CCDC73: variants seen among roughly 807,000 people sequenced by gnomAD.
CCDC73 encodes the protein coiled-coil domain containing 73.
Under a neutral mutation model 116.5 loss-of-function variants are expected in CCDC73, and 95 were observed. The ratio of observed to expected loss-of-function variants is 0.82; its 90% CI spans 0.69 to 0.97. The LOEUF is 0.97. Among genes scored for constraint, CCDC73 ranks in the 50% least tolerant of loss-of-function variants. The pLI is 0.00. For missense variants in CCDC73, 1,066 were observed against 1,206.8 expected, an observed-to-expected ratio of 0.88 and a Z score of 1.73; for synonymous variants, 398 against 401.3, an observed-to-expected ratio of 0.99 and a Z score of 0.10.
chr11:32,702,776 T>C, intron 4 of CCDC73, 97 bp downstream of exon 4: 1 of 841,274 alleles, frequency 1.2e-6, no homozygotes, highest in Non-Finnish European at 2.1e-6. Context: ...CTTTTTGTCT[T>C]TGGTGACTAT....
chr11:32,637,088 T>G (rs1457456568), intron 13 of CCDC73, among the ~76,000 whole-genome samples: 1 of 146,708 alleles, frequency 6.8e-6, no homozygotes, highest in Non-Finnish European at 1.5e-5. Flanking sequence ...GGCGTGATCT[T>G]GGCTCACTGC....
chr11:32,762,765 G>T (rs181540740), intron 1 of CCDC73, among the ~76,000 whole-genome samples: 3 of 152,276 alleles, frequency 2.0e-5, no homozygotes, highest in African/African-American at 7.2e-5. Flanking sequence ...GACAGTGGGT[G>T]CAGCACACCG....
chr11:32,802,317 G>A, the CCDC73 span, among the ~76,000 whole-genome samples: 2 of 152,056 alleles, frequency 1.3e-5, no homozygotes, highest in East Asian at 3.8e-4. Context: ...AAAAACACAG[G>A]AAAATGTTCT....
intron 14 of CCDC73, among the ~76,000 whole-genome samples, chr11:32,622,508 C>A (rs745878801): frequency 2.0e-5 from 3 of 151,464 alleles, no homozygotes; most frequent in Non-Finnish European, 4.4e-5. Flanking sequence ...GGGGCCTGTC[C>A]GGGTGGGGGG....
At chr11:32,819,481 T>A in the CCDC73 span, among the ~76,000 whole-genome samples, 59 of 151,366 alleles carry the variant, frequency 3.9e-4, 1 homozygote, top group Admixed American at 7.3e-4. Flanking sequence ...TTTTTTTTTT[T>A]AAATAGGGTC....
intron 1 of CCDC73, among the ~76,000 whole-genome samples, chr11:32,764,363 A>AAG (rs1486841294): frequency 1.4e-4 from 22 of 152,268 alleles, no homozygotes; most frequent in South Asian, 1.0e-3. Context: ...CAGCCAGAGT[A>AAG]AAACGTCGGG....
intron 3 of CCDC73, among the ~76,000 whole-genome samples, chr11:32,706,830 T>A (rs539010576): frequency 6.6e-6 from 1 of 152,298 alleles, no homozygotes; most frequent in East Asian, 1.9e-4. Context: ...GCCCATCAAA[T>A]TAAAAGATAG....
intron 7 of CCDC73, chr11:32,680,117 T>A (rs1294948404): frequency 6.6e-6 from 1 of 152,236 alleles, no homozygotes; most frequent in African/African-American, 2.4e-5. Context: ...GATTTAGTTT[T>A]GAAAATGAGA....
intron 9 of CCDC73, among the ~76,000 whole-genome samples, chr11:32,674,095 C>T (rs1240794877): frequency 1.3e-5 from 2 of 152,158 alleles, no homozygotes; most frequent in Admixed American, 6.5e-5. Flanking sequence ...CGTGGAAGCC[C>T]ATTGATGCAA....
At chr11:32,698,939 G>T (rs1298368320) in intron 6 of CCDC73, among the ~76,000 whole-genome samples, 4 of 151,918 alleles carry the variant, frequency 2.6e-5, no homozygotes, top group Non-Finnish European at 4.4e-5. Flanking sequence ...AATTTTTAAG[G>T]ACCATGGGTA....
rs552176296 is a variant in CCDC73, at chr11:32,614,685, T to C, written c.1633A>G (p.Ile545Val). The C allele has an allele frequency of 3.2e-5, 51 of 1,612,868 alleles. No homozygotes were observed. In the South Asian group the frequency reaches 4.3e-4, roughly 14 times the overall value. The stretch of plus-strand genomic sequence containing the variant: ...TCTAGATGTATTTTTTCTGTTTCTA[T>C]TGCTGTATCTAACACTACAAAATGA... ...NNHFVVLDTAIETEKIHLERT... is the reference protein window; with the variant it reads ...NNHFVVLDTAVETEKIHLERT... Residue 545 changes from isoleucine to valine, a missense_variant, in exon 16 of 18, where the codon ATA becomes GTA. By Grantham distance (29) the Ile-to-Val change is conservative. Coordinates refer to ENST00000335185, the MANE Select transcript of CCDC73 (RefSeq NM_001008391.4).
chr11:32,825,786 G>T, the CCDC73 span, among the ~76,000 whole-genome samples: 4 of 152,092 alleles, frequency 2.6e-5, no homozygotes, highest in Non-Finnish European at 5.9e-5. Flanking sequence ...AAATTGTGTG[G>T]CAATCAGAAA....
Position 32,635,801 on chromosome 11 carries a change from C to T in CCDC73, c.1080G>A (p.Lys360=). 8.2e-7 allele frequency: 1 copy of T among 1,220,454 alleles called. No homozygotes were observed. 75.6% of individuals were successfully genotyped at this position (1,220,454 alleles called of 1,614,324 possible). The change falls in exon 14 of 18, where the codon AAG becomes AAA. Residue 360 remains lysine (K), a synonymous_variant. Transcript: ENST00000335185. ...TAAGGGATGATAATTCATTTTTAATCTTATTAATTTCTCCATTAAGTTCTT... is the reference window on the plus strand; with the variant it reads ...TAAGGGATGATAATTCATTTTTAATTTTATTAATTTCTCCATTAAGTTCTT... ...HAEELNGEIN[K]IKNELSSLKE...
chr11:32,687,544 C>G (rs1856212956), intron 6 of CCDC73, among the ~76,000 whole-genome samples: 1 of 152,070 alleles, frequency 6.6e-6, no homozygotes, highest in Non-Finnish European at 1.5e-5. Flanking sequence ...AGGAAATAAA[C>G]TAAAATAATC....
chr11:32,795,344 G>A (rs940622446), upstream of CCDC73, among the ~76,000 whole-genome samples: 5 of 151,710 alleles, frequency 3.3e-5, no homozygotes, highest in African/African-American at 9.7e-5. Context: ...GGTGGCGTGC[G>A]GCTGTAATCC....
intron 9 of CCDC73, among the ~76,000 whole-genome samples, chr11:32,668,543 C>CA (rs5790892): frequency 8.6e-5 from 13 of 151,108 alleles, no homozygotes; most frequent in Admixed American, 2.0e-4. Flanking sequence ...AAGTAAATGG[C>CA]AAAAAAAAAT....
intron 6 of CCDC73, among the ~76,000 whole-genome samples, chr11:32,697,865 G>A (rs533429496): frequency 1.1e-4 from 16 of 151,824 alleles, no homozygotes; most frequent in South Asian, 4.2e-4. Flanking sequence ...GGTAAATTGC[G>A]TGTCACGGGG....
At chr11:32,777,325 G>A (rs1850546767) in intron 1 of CCDC73, among the ~76,000 whole-genome samples, 1 of 151,778 alleles carries the variant, frequency 6.6e-6, no homozygotes, top group South Asian at 2.1e-4. Flanking sequence ...TGCTGGTCTT[G>A]AACTCCTGAC....
At chr11:32,692,934 T>C (rs1161930873) in intron 6 of CCDC73, among the ~76,000 whole-genome samples, 1 of 152,220 alleles carries the variant, frequency 6.6e-6, no homozygotes, top group Non-Finnish European at 1.5e-5. Context: ...TAAAGTTTTA[T>C]TTGTCAGGTA....
Sources: gnomAD v4.1 joint callset for allele counts (sites outside exome capture counted in the v4.1 genomes callset) on GRCh38, gnomAD v4.1.1 for gene constraint, MANE v1.5 for transcripts, NCBI Gene and HGNC (gene_info 2026-07-23, HGNC 2026-07-21) for gene names.